Variants in SHC4 observed in about 807,000 individuals in gnomAD.
SHC4 encodes SHC-transforming protein 4.
A neutral mutation model predicts 69.4 loss-of-function variants in SHC4; 41 were observed. The observed-to-expected ratio is 0.59, with a 90% CI of 0.46 to 0.77. The LOEUF (loss-of-function observed/expected upper bound fraction) is 0.77. Ranked by LOEUF, SHC4 falls within the 30% of genes least tolerant of loss-of-function variation. The probability of loss-of-function intolerance (pLI) is 0.00; values close to 1 mark genes in which losing one functional copy is unlikely to be tolerated. For missense variants in SHC4, 777 were observed against 783.8 expected (o/e 0.99, Z 0.10); for synonymous variants, 318 against 299.3 (o/e 1.06, Z -0.64).
At chr15:48,888,153 G>T (rs965891392) in intron 3 of SHC4, among the ~76,000 whole-genome samples, 1 of 152,202 alleles carries the variant, frequency 6.6e-6, no homozygotes, top group Non-Finnish European at 1.5e-5. Flanking sequence ...GTCTCTAAAA[G>T]ATTTTGTAAC....
intron 2 of SHC4, among the ~76,000 whole-genome samples, chr15:48,923,746 C>T (rs1321786091): frequency 6.7e-6 from 1 of 149,262 alleles, no homozygotes; most frequent in Admixed American, 6.7e-5. Flanking sequence ...CTCAAGTGAT[C>T]CTCCAGCCTC....
intron 2 of SHC4, among the ~76,000 whole-genome samples, chr15:48,907,328 G>A (rs921212019): frequency 2.6e-5 from 4 of 151,418 alleles, no homozygotes; most frequent in African/African-American, 4.9e-5. Context: ...GGGTTCAAGC[G>A]ATTCTCCCCT....
intron 3 of SHC4, 63 bp downstream of exon 3, chr15:48,890,685 A>T: frequency 6.3e-7 from 1 of 1,596,166 alleles, no homozygotes; most frequent in South Asian, 1.1e-5. Flanking sequence ...ACGAACAGCG[A>T]TTTTCATACT....
chr15:48,839,341 C>T (rs139752997), intron 10 of SHC4, among the ~76,000 whole-genome samples: 1 of 152,350 alleles, frequency 6.6e-6, no homozygotes, highest in East Asian at 1.9e-4. Context: ...GAACTCTAAT[C>T]TCTCATGACC....
chr15:48,962,393 C>A, intron 1 of SHC4, 38 bp downstream of exon 1: 4 of 1,508,012 alleles, frequency 2.7e-6, no homozygotes, highest in Non-Finnish European at 3.5e-6. Context: ...CCCCCTTCCA[C>A]GGAAGTTCTT....
chr15:48,951,002 C>T (rs1333971914), intron 1 of SHC4, among the ~76,000 whole-genome samples: 1 of 152,098 alleles, frequency 6.6e-6, no homozygotes, highest in Non-Finnish European at 1.5e-5. Flanking sequence ...CTCTCTTCAT[C>T]CTGCTCCTCA....
intron 1 of SHC4, among the ~76,000 whole-genome samples, chr15:48,947,027 G>A (rs1275012664): frequency 6.6e-6 from 1 of 152,030 alleles, no homozygotes; most frequent in East Asian, 1.9e-4. Flanking sequence ...ATGCTAGGGG[G>A]GTTTAGGGGA....
At chr15:48,843,092 G>C (rs1899023179) in intron 10 of SHC4, among the ~76,000 whole-genome samples, 1 of 152,102 alleles carries the variant, frequency 6.6e-6, no homozygotes, top group Non-Finnish European at 1.5e-5. Flanking sequence ...CCTAAATCCA[G>C]TGACTGTTGT....
At chr15:48,848,992 G>A (rs748454039) in intron 9 of SHC4, among the ~76,000 whole-genome samples, 2 of 152,106 alleles carry the variant, frequency 1.3e-5, no homozygotes, top group Non-Finnish European at 2.9e-5. Context: ...CAGAAGCTGG[G>A]TTATTAAGGA....
intron 8 of SHC4, among the ~76,000 whole-genome samples, chr15:48,854,189 T>G (rs988917942): frequency 3.9e-5 from 6 of 152,298 alleles, no homozygotes; most frequent in Non-Finnish European, 7.4e-5. Context: ...AAAGAACACA[T>G]ACAAGCAGCC....
chr15:48,915,193 C>A (rs1258528472), intron 2 of SHC4, among the ~76,000 whole-genome samples: 3 of 152,168 alleles, frequency 2.0e-5, no homozygotes, highest in Non-Finnish European at 2.9e-5. Context: ...TGACTTTACA[C>A]CTGTTTATTC....
intron 2 of SHC4, among the ~76,000 whole-genome samples, chr15:48,906,256 C>T (rs926014295): frequency 6.6e-6 from 1 of 152,174 alleles, no homozygotes; most frequent in Non-Finnish European, 1.5e-5. Flanking sequence ...GCTATAATAA[C>T]ATCAAACATT....
chr15:48,949,955 A>T (rs1006844852), intron 1 of SHC4, among the ~76,000 whole-genome samples: 2 of 143,392 alleles, frequency 1.4e-5, no homozygotes, highest in African/African-American at 5.1e-5. Context: ...ATTATATATA[A>T]TTTTAACATA....
At chr15:48,920,990 AGGAG>A (rs1235325475) in intron 2 of SHC4, among the ~76,000 whole-genome samples, 2 of 152,076 alleles carry the variant, frequency 1.3e-5, no homozygotes, top group East Asian at 3.9e-4. Flanking sequence ...GAGGAGGAGG[AGGAG>A]GAAGAGGCAG....
chr15:48,959,466 AAATAAATG>A (rs770714458), intron 1 of SHC4, among the ~76,000 whole-genome samples: 4 of 152,224 alleles, frequency 2.6e-5, no homozygotes, highest in Non-Finnish European at 4.4e-5. Context: ...CATATTTGTT[AAATAAATG>A]GATGAATGGA....
chr15:48,889,816 C>A lies in SHC4; in HGVS notation c.720+932G>T, dbSNP rs192756524. Among the ~76,000 whole-genome samples the A allele has an allele frequency of 9.7e-4, 147 of 152,284 alleles. 4 individuals are homozygous for A. In the East Asian group the frequency reaches 0.022, roughly 22 times the overall value. Reference sequence around the variant, plus strand: ...CCGAGATCGCACCATTGCACTCCAACCTGGGCAACAGAGCGAGACTCCGTC... The same window carrying A: ...CCGAGATCGCACCATTGCACTCCAAACTGGGCAACAGAGCGAGACTCCGTC... On this transcript the variant is annotated intron_variant, in intron 3 of 11. Transcript: ENST00000332408.
At chr15:48,918,120 T>C (rs1900664880) in intron 2 of SHC4, among the ~76,000 whole-genome samples, 1 of 152,202 alleles carries the variant, frequency 6.6e-6, no homozygotes, top group South Asian at 2.1e-4. Context: ...ATAGCTATGA[T>C]CACACAAAAT....
chr15:48,953,637 T>C (rs1901399838), intron 1 of SHC4, among the ~76,000 whole-genome samples: 1 of 152,188 alleles, frequency 6.6e-6, no homozygotes, highest in South Asian at 2.1e-4. Context: ...TCATAGCTAT[T>C]ATGTTAATGA....
At chr15:48,925,585 G>A (rs903442513) in intron 1 of SHC4, among the ~76,000 whole-genome samples, 1 of 152,190 alleles carries the variant, frequency 6.6e-6, no homozygotes, top group Non-Finnish European at 1.5e-5. Context: ...TTCTTGACAG[G>A]ACAAAAGTCA....
Sources: gnomAD v4.1 joint callset for allele counts (sites outside exome capture counted in the v4.1 genomes callset) on GRCh38, gnomAD v4.1.1 for gene constraint, MANE v1.5 for transcripts, NCBI Gene and HGNC (gene_info 2026-07-23, HGNC 2026-07-21) for gene names.